Variants in CEP112 observed in about 807,000 individuals in gnomAD.
CEP112 encodes the protein centrosomal protein of 112 kDa.
A neutral mutation model predicts 153.0 loss-of-function variants in CEP112; 127 were observed. The observed-to-expected ratio is 0.83, with a 90% confidence interval of 0.72 to 0.96. CEP112 has a LOEUF of 0.96. Among genes scored for constraint, CEP112 ranks in the 40% least tolerant of loss-of-function variants. The pLI, the probability that CEP112 is intolerant of heterozygous loss-of-function variation, is 0.00. For missense variants in CEP112, 1,089 were observed against 1,101.2 expected (o/e 0.99, Z 0.16); for synonymous variants, 358 against 374.4 (o/e 0.96, Z 0.51).
intron 18 of CEP112, among the ~76,000 whole-genome samples, chr17:65,928,069 T>C (rs1425517081): frequency 6.6e-6 from 1 of 152,154 alleles, no homozygotes; most frequent in African/African-American, 2.4e-5. Flanking sequence ...AGAACTCTTA[T>C]AGCCCAATAA....
intron 6 of CEP112, among the ~76,000 whole-genome samples, chr17:66,098,383 T>C (rs2068432872): frequency 6.6e-6 from 1 of 152,232 alleles, no homozygotes; most frequent in Non-Finnish European, 1.5e-5. Context: ...ACATTTCAAA[T>C]ATAAATTATT....
chr17:66,148,313 T>G (rs1006360145), intron 4 of CEP112, among the ~76,000 whole-genome samples: 1 of 152,162 alleles, frequency 6.6e-6, no homozygotes, highest in African/African-American at 2.4e-5. Flanking sequence ...GTGGGAATTA[T>G]GGGAGCTATA....
intron 22 of CEP112, among the ~76,000 whole-genome samples, chr17:65,743,736 T>C (rs1383276462): frequency 6.6e-6 from 1 of 152,084 alleles, no homozygotes; most frequent in Non-Finnish European, 1.5e-5. Flanking sequence ...GAAACAGGTA[T>C]TATTATTGCC....
chr17:65,844,871 G>A (rs928677266), intron 21 of CEP112, among the ~76,000 whole-genome samples: 2 of 151,650 alleles, frequency 1.3e-5, no homozygotes, highest in Admixed American at 6.6e-5. Context: ...AAAATTAGCC[G>A]GGCATGGTGG....
intron 23 of CEP112, among the ~76,000 whole-genome samples, chr17:65,736,005 C>T (rs189832894): frequency 2.2e-4 from 33 of 152,140 alleles, no homozygotes; most frequent in South Asian, 4.2e-4. Flanking sequence ...CCCATATTTG[C>T]GTTTTAGAAA....
intron 6 of CEP112, among the ~76,000 whole-genome samples, chr17:66,122,136 C>A (rs973895654): frequency 1.3e-5 from 2 of 152,068 alleles, no homozygotes; most frequent in African/African-American, 4.8e-5. Context: ...CCTCGTGATC[C>A]GCCCACCTCA....
intron 21 of CEP112, among the ~76,000 whole-genome samples, chr17:65,799,272 CT>C (rs1360305520): frequency 2.6e-5 from 4 of 152,164 alleles, no homozygotes; most frequent in Admixed American, 6.6e-5. Context: ...ACACTTTCCT[CT>C]TGACAGCTTA....
At chr17:65,677,794 T>A (rs2144167009) in intron 24 of CEP112, among the ~76,000 whole-genome samples, 1 of 152,140 alleles carries the variant, frequency 6.6e-6, no homozygotes, top group Middle Eastern at 3.4e-3. Flanking sequence ...ACACCTGTAA[T>A]CTCAGCTACT....
At chr17:66,116,429 GT>G (rs1598383075) in intron 6 of CEP112, among the ~76,000 whole-genome samples, 1 of 151,780 alleles carries the variant, frequency 6.6e-6, no homozygotes, top group African/African-American at 2.4e-5. Flanking sequence ...TTTTGGCTTT[GT>G]TTTTTTAATT....
At chr17:66,150,547 T>A (rs1355108830) in intron 4 of CEP112, among the ~76,000 whole-genome samples, 1 of 152,240 alleles carries the variant, frequency 6.6e-6, no homozygotes, top group Non-Finnish European at 1.5e-5. Context: ...GTGTTCTTTA[T>A]GTCTGTTAGG....
chr17:65,732,963 G>T (rs2050594552), intron 23 of CEP112, among the ~76,000 whole-genome samples: 1 of 152,166 alleles, frequency 6.6e-6, no homozygotes, highest in Non-Finnish European at 1.5e-5. Context: ...TTTCCTTCAA[G>T]AACTTTTCCT....
In CEP112 at chr17:65,957,391, T is replaced by G. The variant is rs150759613; in HGVS notation, c.1872+4072A>C. On this transcript the variant is annotated intron_variant, in intron 18 of 26. Coordinates refer to ENST00000535342, the MANE Select transcript of CEP112 (RefSeq NM_001199165.4). The stretch of plus-strand genomic sequence containing the variant: ...GACTATCTATGTCCATTTCTCCATG[T>G]GTTCCTAACATCTTTTCATATTTCG... Among the ~76,000 whole-genome samples, 512 of 152,332 alleles carry G rather than the reference T, an allele frequency of 3.4e-3. 4 individuals are homozygous for G. The highest frequency in any genetic ancestry group is 0.011 in the African/African-American group (473 of 41,576).
At chr17:65,772,577 C>T (rs1330041430) in intron 21 of CEP112, among the ~76,000 whole-genome samples, 1 of 23,938 alleles carries the variant, frequency 4.2e-5, no homozygotes, top group Non-Finnish European at 9.0e-5. Context: ...CTATTTATTA[C>T]ACACACACAC....
intron 21 of CEP112, among the ~76,000 whole-genome samples, chr17:65,835,827 C>G (rs772414769): frequency 7.1e-4 from 108 of 152,172 alleles, no homozygotes; most frequent in Non-Finnish European, 1.4e-3. Flanking sequence ...TCAGAATAGT[C>G]TAATACTGGA....
chr17:66,181,941 T>A (rs192416205), intron 2 of CEP112: 7 of 152,356 alleles, frequency 4.6e-5, no homozygotes, highest in Admixed American at 4.6e-4. Context: ...GGAGGAGGTC[T>A]TCAAGGGAAG....
At chr17:66,034,127 G>A (rs2065609633) in intron 12 of CEP112, among the ~76,000 whole-genome samples, 2 of 152,178 alleles carry the variant, frequency 1.3e-5, no homozygotes, top group Middle Eastern at 3.4e-3. Flanking sequence ...AGGCACTACT[G>A]TATTCTCAAA....
At chr17:66,068,047 G>A (rs2067185346) in intron 9 of CEP112, among the ~76,000 whole-genome samples, 1 of 151,986 alleles carries the variant, frequency 6.6e-6, no homozygotes. Flanking sequence ...GTCAAAAATT[G>A]CATTAAAATC....
At chr17:66,073,010 A>T (rs1460092370) in intron 8 of CEP112, among the ~76,000 whole-genome samples, 1 of 152,198 alleles carries the variant, frequency 6.6e-6, no homozygotes, top group African/African-American at 2.4e-5. Context: ...GAAATTGAAA[A>T]ACATTTCTAA....
At chr17:65,959,035 C>T (rs1000142480) in intron 18 of CEP112, among the ~76,000 whole-genome samples, 18 of 151,984 alleles carry the variant, frequency 1.2e-4, no homozygotes, top group African/African-American at 4.4e-4. Flanking sequence ...GGACAACCAG[C>T]TGCAGAGAGG....
Sources: allele counts gnomAD v4.1 joint callset (sites outside exome capture counted in the v4.1 genomes callset), GRCh38; gene constraint gnomAD v4.1.1; transcripts MANE v1.5; gene names NCBI Gene and HGNC (gene_info 2026-07-23, HGNC 2026-07-21).